Variants in FAM110A observed in about 807,000 individuals in gnomAD.
FAM110A encodes the protein family with sequence similarity 110 member A.
Under a neutral mutation model 4.0 loss-of-function variants are expected in FAM110A, and 1 was observed. The ratio of observed to expected loss-of-function variants is 0.25; its 90% CI spans 0.09 to 1.20. The LOEUF (loss-of-function observed/expected upper bound fraction) is 1.20, where lower values mean the gene tolerates loss of function less well. Ranked by LOEUF, FAM110A falls within the 50% of genes most tolerant of loss-of-function variation. The probability of loss-of-function intolerance (pLI) is 0.50; values close to 1 mark genes in which losing one functional copy is unlikely to be tolerated. For synonymous variants in FAM110A, 217 were observed against 196.8 expected (o/e 1.10, Z -0.86); for missense variants, 436 against 429.2 (o/e 1.02, Z -0.14).
intron 1 of FAM110A, among the ~76,000 whole-genome samples, chr20:842,837 C>T (rs1197724429): frequency 6.6e-6 from 1 of 152,118 alleles, no homozygotes; most frequent in East Asian, 1.9e-4. Context: ...AGGCAGGGTA[C>T]CTAGATGTCT....
Position 845,194 on chromosome 20 carries a change from C to G in FAM110A, c.390C>G (p.Ala130=), listed in dbSNP as rs760576004. 1.2e-5 allele frequency: 18 copies of G among 1,562,334 alleles called. No homozygotes were observed. Among genetic ancestry groups the G allele is most frequent in the Non-Finnish European group, 1.6e-5 (18 of 1,158,862 alleles). Residue 130 remains alanine (A), a synonymous_variant, in exon 2 of 2, where the codon GCC becomes GCG. Coordinates refer to ENST00000381941, the MANE Select transcript of FAM110A (RefSeq NM_001042353.3). ...AGGCCAGCCGCACTCCTGGACGGGCCGAGGGAGCCGGCCGTCCTCCCCCAG... is the reference window on the plus strand; with the variant it reads ...AGGCCAGCCGCACTCCTGGACGGGCGGAGGGAGCCGGCCGTCCTCCCCCAG... ...PAEASRTPGR[A]EGAGRPPPAT...
Position 844,700 on chromosome 20 carries a change from C to T in FAM110A, c.-97-8C>T, listed in dbSNP as rs1442562462. ...CTTTTTTTTTTTTTTCTCTCTCCTTCCCTGCAGCAGTGGCCGGTGTCCAGC... is the reference window on the plus strand; with the variant it reads ...CTTTTTTTTTTTTTTCTCTCTCCTTTCCTGCAGCAGTGGCCGGTGTCCAGC... On this transcript the variant is annotated splice_polypyrimidine_tract_variant and splice_region_variant and intron_variant, in intron 1 of 1. Coordinates refer to ENST00000381941, the MANE Select transcript of FAM110A (RefSeq NM_001042353.3). 14 of 1,275,832 alleles carry T rather than the reference C, an allele frequency of 1.1e-5. No individual in the cohort carries two copies. The African/African-American group carries it at 2.0e-4, about 18-fold the overall frequency. The allele number at this position is 1,275,832 out of a possible 1,614,324, so 79.0% of individuals were successfully genotyped here.
chr20:844,518 A>C (rs1045623977), intron 1 of FAM110A, among the ~76,000 whole-genome samples, 190 bp from the exon 2 acceptor site: 1 of 144,872 alleles, frequency 6.9e-6, no homozygotes. Context: ...CTCCCGGGGC[A>C]GGAGGGAGGG....
intron 1 of FAM110A, among the ~76,000 whole-genome samples, chr20:835,188 C>CTATATA (rs1421592795): frequency 7.8e-6 from 1 of 128,632 alleles, no homozygotes; most frequent in African/African-American, 3.1e-5. Context: ...CTCTCTCTCT[C>CTATATA]TCTCTCTCTC....
intron 1 of FAM110A, among the ~76,000 whole-genome samples, chr20:844,460 T>C (rs1980127277): frequency 6.6e-6 from 1 of 150,672 alleles, no homozygotes; most frequent in Non-Finnish European, 1.5e-5. Flanking sequence ...CCCAGGTCTT[T>C]TTTCTCTAGC....
rs1024354899 is a variant in FAM110A, at chr20:839,784, C to T, written c.-97-4924C>T. ...ATTGGTAAGGTACCAGTAGAAATGT[C>T]TCCAGGCAAACTGTTCCTTCACGCA... On this transcript the variant is annotated intron_variant, in intron 1 of 1. Transcript: ENST00000381941. 8 of 1,525,006 alleles carry T rather than the reference C, an allele frequency of 5.2e-6. No individual in the cohort carries two copies. The East Asian group carries it at 1.8e-4, about 34-fold the overall frequency. The allele number at this position is 1,525,006 out of a possible 1,614,324, so 94.5% of individuals were successfully genotyped here.
At chr20:844,648 T>A (rs1980150279) in intron 1 of FAM110A, 60 bp from the exon 2 acceptor site, 2 of 1,228,280 alleles carry the variant, frequency 1.6e-6, no homozygotes, top group African/African-American at 3.2e-5. Context: ...CAGCCGCGGC[T>A]GAGCCTCTTT....
At chr20:836,661 G>A (rs571798923) in intron 1 of FAM110A, among the ~76,000 whole-genome samples, 1 of 152,252 alleles carries the variant, frequency 6.6e-6, no homozygotes, top group African/African-American at 2.4e-5. Flanking sequence ...ATGCTGCTTT[G>A]AGCATGAATG....
In FAM110A at chr20:836,373, G is replaced by T. The variant is rs531779408; in HGVS notation, c.-98+2422G>T. Among the ~76,000 whole-genome samples the T allele has an allele frequency of 2.0e-4, 30 of 152,250 alleles. 1 individual carries two copies. In the South Asian group the frequency reaches 6.0e-3, roughly 31 times the overall value. ...ACATTCCCCATTGCCTCTCCCCCCA[G>T]TGCCTGGCAATCACCATTCTACTTT... On this transcript the variant is annotated intron_variant, in intron 1 of 1. Coordinates refer to ENST00000381941, the MANE Select transcript of FAM110A (RefSeq NM_001042353.3).
chr20:835,798 A>G (rs1291815596), intron 1 of FAM110A, among the ~76,000 whole-genome samples: 2 of 152,220 alleles, frequency 1.3e-5, no homozygotes, highest in African/African-American at 4.8e-5. Flanking sequence ...TGACCTGGAC[A>G]GCTGGGCTGA....
intron 1 of FAM110A, among the ~76,000 whole-genome samples, chr20:835,809 A>G (rs1979546934): frequency 1.3e-5 from 2 of 152,164 alleles, no homozygotes; most frequent in African/African-American, 2.4e-5. Flanking sequence ...GCTGGGCTGA[A>G]ATTGAGCTGG....
chr20:835,119 G>A (rs1373348058), intron 1 of FAM110A, among the ~76,000 whole-genome samples: 1 of 151,198 alleles, frequency 6.6e-6, no homozygotes, highest in African/African-American at 2.4e-5. Flanking sequence ...GTGTTCTGCA[G>A]GCAGGAGGTT....
chr20:845,984 C>T lies in FAM110A; in HGVS notation c.*292C>T, dbSNP rs967868484. 28 of 447,910 alleles carry T rather than the reference C, an allele frequency of 6.3e-5. 1 individual carries two copies. Among genetic ancestry groups the T allele is most frequent in the South Asian group, 6.0e-4 (23 of 38,086 alleles). 27.7% of individuals were successfully genotyped at this position (447,910 alleles called of 1,614,324 possible). A position where few individuals can be genotyped will look rare whatever the true frequency, so the allele number is the denominator to read the frequency against. On this transcript the variant is annotated 3_prime_UTR_variant, in exon 2 of 2. Coordinates refer to ENST00000381941, the MANE Select transcript of FAM110A (RefSeq NM_001042353.3). ...AGTTCCTCTTGTGGGGCTGCATTTG[C>T]GGTGCTTTGCCCTCCCCACTGTGAG...
chr20:839,430 A>C, intron 1 of FAM110A: 1 of 689,180 alleles, frequency 1.5e-6, no homozygotes, highest in Non-Finnish European at 2.7e-6. Context: ...TTCAATGTGA[A>C]ATAATCCTCT....
Position 845,922 on chromosome 20 carries a change from C to A in FAM110A, c.*230C>A. On this transcript the variant is annotated 3_prime_UTR_variant, in exon 2 of 2. Coordinates refer to ENST00000381941, the MANE Select transcript of FAM110A (RefSeq NM_001042353.3). Reference sequence around the variant, plus strand: ...CCTGAGAACCCCCTCCTCCCCTCCCCCAATACAAGGTTTTTGACATGAGTG... The same window carrying A: ...CCTGAGAACCCCCTCCTCCCCTCCCACAATACAAGGTTTTTGACATGAGTG... 1.2e-6 allele frequency: 1 copy of A among 832,860 alleles called. No individual in the cohort carries two copies. Among genetic ancestry groups the A allele is most frequent in the Non-Finnish European group, 1.8e-6 (1 of 546,480 alleles). The allele number at this position is 832,860 out of a possible 1,614,324, so 51.6% of individuals were successfully genotyped here.
intron 1 of FAM110A, among the ~76,000 whole-genome samples, chr20:843,307 C>T (rs1274992607): frequency 6.6e-6 from 1 of 152,076 alleles, no homozygotes; most frequent in African/African-American, 2.4e-5. Flanking sequence ...CACCCCAATC[C>T]AGACTCACTC....
At position 840,292 on chromosome 20, in the gene FAM110A, C is replaced by A. The variant is rs1979816916; in HGVS notation, c.-97-4416C>A. 6.6e-6 allele frequency among the ~76,000 whole-genome samples: 1 copy of A among 152,072 alleles called. No homozygotes were observed. Among genetic ancestry groups the A allele is most frequent in the Non-Finnish European group, 1.5e-5 (1 of 68,010 alleles). ...CCTGTACCCTAGTCCTGGCCCAGCT[C>A]CCACAGGCACAGACATGGAACAGGA... On this transcript the variant is annotated intron_variant, in intron 1 of 1. Transcript: ENST00000381941. The surrounding 1 kb of genome is among the most constrained non-coding windows in gnomAD (Gnocchi z 4.4).
chr20:836,246 T>TGGG (rs56911234), intron 1 of FAM110A: 1 of 99,802 alleles, frequency 1.0e-5, no homozygotes, highest in South Asian at 3.5e-4. Context: ...TTACATTTTT[T>TGGG]GGGGGGGGGG....
chr20:835,200 C>CTCTCTCTCTATA (rs757995617), intron 1 of FAM110A, among the ~76,000 whole-genome samples: 1 of 140,492 alleles, frequency 7.1e-6, no homozygotes, highest in African/African-American at 2.7e-5. Context: ...CTCTCTCTCT[C>CTCTCTCTCTATA]TATATATATA....
Sources: gnomAD v4.1 joint callset for allele counts (sites outside exome capture counted in the v4.1 genomes callset) on GRCh38, gnomAD v4.1.1 for gene constraint, Gnocchi (gnomAD v3.1) non-coding constraint, MANE v1.5 for transcripts, NCBI Gene and HGNC (gene_info 2026-07-23, HGNC 2026-07-21) for gene names.